ELF2: variants seen among roughly 807,000 people sequenced by gnomAD.
The protein encoded by ELF2 is E74 like ETS transcription factor 2.
ELF2 carries 11 observed loss-of-function variants against 54.8 expected under a neutral mutation model. That is an observed-to-expected ratio of 0.20 (90% CI 0.13 to 0.33). ELF2 has a LOEUF of 0.33. Among genes scored for constraint, ELF2 ranks in the 10% least tolerant of loss-of-function variants. The pLI is 1.00. For synonymous variants in ELF2, 203 were observed against 245.1 expected (o/e 0.83, Z 1.61); for missense variants, 513 against 703.0 (o/e 0.73, Z 3.06).
At chr4:139,094,064 A>G (rs760858529) in intron 4 of ELF2, among the ~76,000 whole-genome samples, 2 of 151,794 alleles carry the variant, frequency 1.3e-5, no homozygotes, top group Non-Finnish European at 2.9e-5. Flanking sequence ...ATGCCTGGCT[A>G]ATTTTTTGTA....
intron 1 of ELF2, among the ~76,000 whole-genome samples, chr4:139,156,239 G>T (rs1019508369): frequency 1.3e-5 from 2 of 151,616 alleles, no homozygotes; most frequent in African/African-American, 4.8e-5. Flanking sequence ...GCAGTGGCGC[G>T]ATCTCAGCTC....
intron 4 of ELF2, among the ~76,000 whole-genome samples, chr4:139,081,978 CT>C (rs1731179407): frequency 1.3e-5 from 2 of 152,258 alleles, no homozygotes; most frequent in African/African-American, 2.4e-5. Context: ...GAAAACAGCA[CT>C]TTTTAAAACC....
At chr4:139,115,076 G>C in intron 4 of ELF2, 1 of 1,613,930 alleles carries the variant, frequency 6.2e-7, no homozygotes, top group Non-Finnish European at 8.5e-7. Context: ...ATGTCCAGGA[G>C]CTCATCCACG....
At chr4:139,063,923 A>G (rs1327961300) in intron 7 of ELF2, among the ~76,000 whole-genome samples, 3 of 151,888 alleles carry the variant, frequency 2.0e-5, no homozygotes, top group African/African-American at 7.3e-5. Context: ...TATGGAGGAG[A>G]GAGTAGTAGG....
chr4:139,162,246 C>T (rs968083075), intron 1 of ELF2, among the ~76,000 whole-genome samples: 29 of 151,640 alleles, frequency 1.9e-4, no homozygotes, highest in Admixed American at 1.3e-4. Context: ...GGGCCAGGCA[C>T]GGTGGCTCAC....
intron 3 of ELF2, 150 bp downstream of exon 3, chr4:139,137,480 C>G: frequency 2.6e-6 from 2 of 760,522 alleles, no homozygotes; most frequent in South Asian, 3.7e-5. Flanking sequence ...CTTCTATTAC[C>G]TAAATTATAT....
chr4:139,081,931 T>G (rs547675854), intron 4 of ELF2, among the ~76,000 whole-genome samples: 2 of 152,294 alleles, frequency 1.3e-5, no homozygotes, highest in South Asian at 4.1e-4. Context: ...TCATAAACTT[T>G]AAGATTCGTA....
At chr4:139,143,320 T>C (rs1159381185) in intron 1 of ELF2, among the ~76,000 whole-genome samples, 2 of 152,228 alleles carry the variant, frequency 1.3e-5, no homozygotes, top group Admixed American at 6.5e-5. Context: ...CACTGATTAT[T>C]GCTTCTGATC....
At position 139,105,345 on chromosome 4, in the gene ELF2, GC is replaced by G. The variant is rs535821835; in HGVS notation, c.238+19818del. Among the ~76,000 whole-genome samples, 20 of 152,192 alleles carry G rather than the reference GC, an allele frequency of 1.3e-4. No homozygotes were observed. The East Asian group carries it at 3.9e-3, about 29-fold the overall frequency. On this transcript the variant is annotated intron_variant, in intron 4 of 9. Transcript: ENST00000686138. The stretch of plus-strand genomic sequence containing the variant: ...CTTTGCCTTTCTTGTCTACATTGTA[GC>G]CCCGTGCCTTAAAATAATGCCTTGC...
chr4:139,057,917 T>C lies in ELF2; in HGVS notation c.*1066A>G, dbSNP rs1727251995. 6.6e-6 allele frequency: 1 copy of C among 152,350 alleles called. No individual in the cohort carries two copies. Among genetic ancestry groups the C allele is most frequent in the African/African-American group, 2.4e-5 (1 of 41,338 alleles). The allele number at this position is 152,350 out of a possible 1,614,324, so 9.4% of individuals were successfully genotyped here. On this transcript the variant is annotated 3_prime_UTR_variant, in exon 10 of 10. Coordinates refer to ENST00000686138, the MANE Select transcript of ELF2 (RefSeq NM_001331036.3). ...ACTTGAATACACTTTGAAACAAGAGTACAACAAAATAGAATATACTTCAAA... is the reference window on the plus strand; with the variant it reads ...ACTTGAATACACTTTGAAACAAGAGCACAACAAAATAGAATATACTTCAAA...
At chr4:139,083,522 T>TGGGAATGTGCGGAGGAGGGA (rs1731472138) in intron 4 of ELF2, among the ~76,000 whole-genome samples, 1 of 151,728 alleles carries the variant, frequency 6.6e-6, no homozygotes, top group South Asian at 2.1e-4. Flanking sequence ...CTGCATAAGG[T>TGGGAATGTGCGGAGGAGGGA]GGGAATGTGC....
At chr4:139,162,198 T>C (rs895184657) in intron 1 of ELF2, among the ~76,000 whole-genome samples, 1 of 150,736 alleles carries the variant, frequency 6.6e-6, no homozygotes, top group Non-Finnish European at 1.5e-5. Flanking sequence ...AAACTCTGTC[T>C]CAAAAAAATA....
intron 4 of ELF2, among the ~76,000 whole-genome samples, chr4:139,080,233 T>C (rs1560782107): frequency 6.6e-6 from 1 of 152,194 alleles, no homozygotes; most frequent in East Asian, 1.9e-4. Flanking sequence ...TTACATGAAT[T>C]TTAGTACCAA....
At chr4:139,097,868 C>T (rs1370883533) in intron 4 of ELF2, among the ~76,000 whole-genome samples, 1 of 152,084 alleles carries the variant, frequency 6.6e-6, no homozygotes, top group African/African-American at 2.4e-5. Flanking sequence ...TAGGTGAGTG[C>T]CACCATGCCC....
Position 139,076,515 on chromosome 4 carries a change from T to C in ELF2, c.239-2948A>G, listed in dbSNP as rs146007830. Among the ~76,000 whole-genome samples the C allele has an allele frequency of 6.1e-3, 928 of 152,254 alleles. 7 individuals carry two copies. The highest frequency in any genetic ancestry group is 7.8e-3 in the Admixed American group (120 of 15,292). ...GCATTCTCTTTAAAGTCTGCTTGTG[T>C]TGCAATTTAGCTCTTGTCTTAGGTG... On this transcript the variant is annotated intron_variant, in intron 4 of 9. Transcript: ENST00000686138.
intron 1 of ELF2, among the ~76,000 whole-genome samples, chr4:139,141,499 T>A (rs1738695397): frequency 6.6e-6 from 1 of 152,178 alleles, no homozygotes; most frequent in Non-Finnish European, 1.5e-5. Flanking sequence ...ATATGTGTTG[T>A]ACAGTCAAGA....
intron 7 of ELF2, among the ~76,000 whole-genome samples, chr4:139,062,590 A>G (rs2148664899): frequency 6.6e-6 from 1 of 152,386 alleles, no homozygotes; most frequent in South Asian, 2.1e-4. Context: ...AGTTCAGTAA[A>G]GGCAAAGGCA....
At position 139,060,495 on chromosome 4, in the gene ELF2, C is replaced by T; in HGVS notation, c.986G>A (p.Ser329Asn). The T allele has an allele frequency of 6.2e-7, 1 of 1,614,220 alleles. No homozygotes were observed. Among genetic ancestry groups the T allele is most frequent in the Non-Finnish European group, 8.5e-7 (1 of 1,180,046 alleles). The change falls in exon 9 of 10, where the codon AGT (serine) becomes AAT (asparagine). Residue 329 changes from serine to asparagine, a missense_variant. Physicochemically the swap from Ser to Asn is conservative, Grantham distance 46 (BLOSUM62 1). This residue lies in a region of ELF2 where 291 missense variants were observed against 366.1 expected (regional missense o/e 0.79). Transcript: ENST00000686138. ...SLERVSLSAE[S>N]LLKAASSVRS... ...AACAGAGGATGCTGCTTTCAGGAGA[C>T]TTTCTGCAGACAGTGACACTCGTTC...
rs769922839 is a variant in ELF2, at chr4:139,125,234, A to G, written c.168T>C (p.Tyr56=). ...EQGYAAQVLV[Y]DDETYMMQDV... The stretch of plus-strand genomic sequence containing the variant: ...CTTGCATCATATAAGTCTCATCATC[A>G]TAAACCAGAACCTGGGCTGCATAGC... Residue 56 remains tyrosine, a synonymous_variant, in exon 4 of 10, where the codon TAT becomes TAC. Transcript: ENST00000686138. 7 of 1,613,918 alleles carry G rather than the reference A, an allele frequency of 4.3e-6. No individual in the cohort carries two copies.
Sources: gnomAD v4.1 joint callset for allele counts (sites outside exome capture counted in the v4.1 genomes callset) on GRCh38, gnomAD v4.1.1 for gene constraint, gnomAD v4.1.1 regional missense constraint, MANE v1.5 for transcripts, NCBI Gene and HGNC (gene_info 2026-07-23, HGNC 2026-07-21) for gene names.